SMG5: variants seen among roughly 807,000 people sequenced by gnomAD.
The protein encoded by SMG5 is nonsense-mediated mRNA decay factor SMG5.
SMG5 carries 53 observed loss-of-function variants against 122.9 expected under a neutral mutation model. The observed-to-expected ratio is 0.43, with a 90% CI of 0.35 to 0.54. The LOEUF (loss-of-function observed/expected upper bound fraction) is 0.54. Among genes scored for constraint, SMG5 ranks in the 20% least tolerant of loss-of-function variants. The probability of loss-of-function intolerance (pLI) is 0.01; values close to 1 mark genes in which losing one functional copy is unlikely to be tolerated. For synonymous variants in SMG5, 477 were observed against 490.2 expected (o/e 0.97, Z 0.35); for missense variants, 1,153 against 1,285.6 (o/e 0.90, Z 1.58).
intron 7 of SMG5, among the ~76,000 whole-genome samples, chr1:156,271,626 T>A (rs1016350220): frequency 8.3e-5 from 11 of 132,368 alleles, no homozygotes; most frequent in Non-Finnish European, 1.7e-4. Flanking sequence ...CAGGCTGGAG[T>A]GCAGTGGCAT....
Position 156,259,058 on chromosome 1 carries a change from C to T in SMG5, c.2389G>A (p.Ala797Thr). 2 of 1,613,124 alleles carry T rather than the reference C, an allele frequency of 1.2e-6. No homozygotes were observed. The highest frequency in any genetic ancestry group is 1.7e-6 in the Non-Finnish European group (2 of 1,179,648). ...AGCAGGCTCTCCTGCTCAGACTGGG[C>T]AATGCTGACGAAGATGCCAACCTCT... Reference protein sequence around the residue: ...NPEVGIFVSIAQSEQESLLQQ... With the variant: ...NPEVGIFVSITQSEQESLLQQ... Residue 797 changes from alanine to threonine, a missense_variant, in exon 16 of 22, where the codon GCC (alanine) becomes ACC (threonine). This residue lies in a region of SMG5 where 140 missense variants were observed against 227.8 expected (regional missense o/e 0.61). Transcript: ENST00000361813.
chr1:156,286,010 T>C, upstream of SMG5: 1 of 1,578,594 alleles, frequency 6.3e-7, no homozygotes, highest in African/African-American at 1.3e-5. Flanking sequence ...AAAGGGGGCA[T>C]CGGGAAGTGG....
intron 4 of SMG5, among the ~76,000 whole-genome samples, chr1:156,274,966 G>A (rs532093338): frequency 4.3e-4 from 66 of 152,130 alleles, no homozygotes; most frequent in Admixed American, 7.2e-4. Context: ...GGCACCTTGC[G>A]GGAAGGTCAT....
In SMG5 at chr1:156,277,163, G is replaced by A; in HGVS notation, c.376C>T (p.Leu126Phe). The A allele has an allele frequency of 6.2e-7, 1 of 1,614,030 alleles. No individual in the cohort carries two copies. Among genetic ancestry groups the A allele is most frequent in the South Asian group, 1.1e-5 (1 of 91,066 alleles). The part of the protein sequence containing the change: ...VAGIGFYQHL[L>F]LYIQSHYQLE... ...TGGTAGTGGGACTGGATATAGAGAAGGAGATGCTGGTAGAAGCCAATACCA... is the reference window on the plus strand; with the variant it reads ...TGGTAGTGGGACTGGATATAGAGAAAGAGATGCTGGTAGAAGCCAATACCA... The change falls in exon 4 of 22, where the codon CTT (leucine) becomes TTT (phenylalanine). Residue 126 changes from leucine (L) to phenylalanine (F), a missense_variant. Physicochemically the swap from Leu to Phe is conservative, Grantham distance 22. Coordinates refer to ENST00000361813, the MANE Select transcript of SMG5 (RefSeq NM_015327.3).
At chr1:156,275,131 TAA>T (rs760480249) in intron 4 of SMG5, among the ~76,000 whole-genome samples, 23 of 86,870 alleles carry the variant, frequency 2.6e-4, no homozygotes, top group Non-Finnish European at 3.1e-4. Flanking sequence ...TGACGCCAAT[TAA>T]AAAAAAAAAA....
chr1:156,283,100 C>G (rs992949420), upstream of SMG5: 8 of 362,546 alleles, frequency 2.2e-5, no homozygotes, highest in Non-Finnish European at 3.9e-5. Flanking sequence ...CTGCTTTGTC[C>G]TACAATGGTC....
rs1661223064 is a variant in SMG5 at position 156,249,646 on chromosome 1, A to G, written c.*941T>C. ...AAGGAGGGACGGGGGCCTCTGACTG[A>G]GCAGCTTCAAGGAGCCTCTCCTTTC... On this transcript the variant is annotated 3_prime_UTR_variant, in exon 22 of 22. Coordinates refer to ENST00000361813, the MANE Select transcript of SMG5 (RefSeq NM_015327.3). The G allele has an allele frequency of 7.0e-6, 3 of 429,736 alleles. No homozygotes were observed. Among genetic ancestry groups the G allele is most frequent in the South Asian group, 5.2e-5 (3 of 57,336 alleles). The allele number at this position is 429,736 out of a possible 1,614,324, so 26.6% of individuals were successfully genotyped here.
Position 156,260,591 on chromosome 1 carries a change from CAAG to C in SMG5, c.2140_2142del (p.Leu714del), listed in dbSNP as rs777768690. 10 of 1,520,292 alleles carry C rather than the reference CAAG, an allele frequency of 6.6e-6. No individual in the cohort carries two copies. The African/African-American group carries it at 1.0e-4, about 15-fold the overall frequency. 94.2% of individuals were successfully genotyped at this position (1,520,292 alleles called of 1,614,324 possible). A position where few individuals can be genotyped will look rare whatever the true frequency, so the allele number is the denominator to read the frequency against. On this transcript the variant is annotated inframe_deletion, in exon 15 of 22. Transcript: ENST00000361813. ...GGGAGGTCAGGCAGTTCACAACCTT[CAAG>C]AAGATCTTGGACCTCAGGACACAAG... is the stretch of plus-strand genomic sequence containing the variant.
Position 156,268,098 on chromosome 1 carries a change from T to TG in SMG5, c.908+16dup. On this transcript the variant is annotated intron_variant, in intron 9 of 21. Transcript: ENST00000361813. ...GGGCTCACAGGATAGTTCAGGTTCA[T>TG]GCTCTCTTCCACTCACCTGCTTTTG... 1 of 1,613,616 alleles carries TG rather than the reference T, an allele frequency of 6.2e-7. No individual in the cohort carries two copies. Among genetic ancestry groups the TG allele is most frequent in the Non-Finnish European group, 8.5e-7 (1 of 1,179,656 alleles).
intron 5 of SMG5, among the ~76,000 whole-genome samples, chr1:156,274,249 G>A (rs1447825770): frequency 6.6e-6 from 1 of 152,166 alleles, no homozygotes; most frequent in Admixed American, 6.5e-5. Flanking sequence ...TTCAATCCCT[G>A]TGCTGAAGTT....
chr1:156,253,841 C>T (rs1480790951), intron 16 of SMG5: 1 of 360,070 alleles, frequency 2.8e-6, no homozygotes, highest in Non-Finnish European at 5.4e-6. Flanking sequence ...GTCTCCCTTC[C>T]CAGGAGATCC....
the SMG5 span, chr1:156,290,972 C>T: frequency 5.3e-6 from 1 of 189,780 alleles, no homozygotes; most frequent in East Asian, 1.3e-4. Flanking sequence ...TGAATTTGCT[C>T]AAACATTTTA....
At chr1:156,259,521 T>A (rs1343886927) in intron 15 of SMG5, among the ~76,000 whole-genome samples, 2 of 152,254 alleles carry the variant, frequency 1.3e-5, no homozygotes, top group African/African-American at 4.8e-5. Context: ...CCAAACTAGA[T>A]CACATTTTCC....
chr1:156,262,222 C>A (rs1367296655), intron 13 of SMG5, among the ~76,000 whole-genome samples: 1 of 152,116 alleles, frequency 6.6e-6, no homozygotes, highest in South Asian at 2.1e-4. Context: ...GCAGGCCGGG[C>A]GCGGTGGCTC....
intron 1 of SMG5, among the ~76,000 whole-genome samples, chr1:156,280,700 C>A (rs935622925): frequency 6.6e-6 from 1 of 152,114 alleles, no homozygotes; most frequent in Non-Finnish European, 1.5e-5. Flanking sequence ...AGGTAAATAA[C>A]CACCACTCTA....
chr1:156,259,031 G>C lies in SMG5; in HGVS notation c.2416C>G (p.Gln806Glu). The change falls in exon 16 of 22, where the codon CAG becomes GAG. Residue 806 changes from glutamine (Q) to glutamate (E), a missense_variant. Physicochemically the swap from Gln to Glu is conservative, Grantham distance 29 (BLOSUM62 2). Transcript: ENST00000361813. ...ATTCGGAACTGTGCCTGGGCCTGCTGCAGCAGGCTCTCCTGCTCAGACTGG... is the reference window on the plus strand; with the variant it reads ...ATTCGGAACTGTGCCTGGGCCTGCTCCAGCAGGCTCTCCTGCTCAGACTGG... ...IAQSEQESLL[Q>E]QAQAQFRMAQ... The C allele has an allele frequency of 6.2e-7, 1 of 1,613,926 alleles. No individual in the cohort carries two copies. Among genetic ancestry groups the C allele is most frequent in the Non-Finnish European group, 8.5e-7 (1 of 1,179,930 alleles).
At position 156,260,607 on chromosome 1, in the gene SMG5, C is replaced by A; in HGVS notation, c.2127G>T (p.Glu709Asp). Residue 709 changes from glutamate to aspartate, a missense_variant, in exon 15 of 22, where the codon GAG becomes GAT. Transcript: ENST00000361813. ...LQESGLALCP[E>D]VQDLLEGCEL... ...CACAACCTTCAAGAAGATCTTGGAC[C>A]TCAGGACACAAGGCCAGGCCTGGGC... is the stretch of plus-strand genomic sequence containing the variant. 6.6e-7 allele frequency: 1 copy of A among 1,514,028 alleles called. No homozygotes were observed. Among genetic ancestry groups the A allele is most frequent in the East Asian group, 2.5e-5 (1 of 40,574 alleles). The allele number at this position is 1,514,028 out of a possible 1,614,324, so 93.8% of individuals were successfully genotyped here. A position where few individuals can be genotyped will look rare whatever the true frequency, so the allele number is the denominator to read the frequency against.
Position 156,263,485 on chromosome 1 carries a change from C to G in SMG5, c.1941G>C (p.Gln647His), listed in dbSNP as rs781428851. 1.2e-5 allele frequency: 19 copies of G among 1,614,140 alleles called. No individual in the cohort carries two copies. The highest frequency in any genetic ancestry group is 1.5e-5 in the Non-Finnish European group (18 of 1,180,068). ...GAAGCAGACCTTCGGCCATCAGGAC[C>G]TGAAGCTTCTCCTGGATGCTGCGCT... is the stretch of plus-strand genomic sequence containing the variant. ...RNERSIQEKL[Q>H]VLMAEGLLPA... Residue 647 changes from glutamine to histidine, a missense_variant, in exon 13 of 22, where the codon CAG becomes CAC. By Grantham distance (24) the Gln-to-His change is conservative. Coordinates refer to ENST00000361813, the MANE Select transcript of SMG5 (RefSeq NM_015327.3).
At chr1:156,283,282 C>T (rs1399670958), upstream of SMG5, among the ~76,000 whole-genome samples, 3 of 152,198 alleles carry the variant, frequency 2.0e-5, no homozygotes, top group Non-Finnish European at 4.4e-5. Flanking sequence ...AGTAAAGCCC[C>T]GGAAGAAATG....
Sources: gnomAD v4.1 joint callset for allele counts (sites outside exome capture counted in the v4.1 genomes callset) on GRCh38, gnomAD v4.1.1 for gene constraint, gnomAD v4.1.1 regional missense constraint, MANE v1.5 for transcripts, NCBI Gene and HGNC (gene_info 2026-07-23, HGNC 2026-07-21) for gene names.